The following SNCAIP variants were observed in gnomAD, a reference collection of about 807,000 sequenced individuals.
The protein encoded by SNCAIP is synphilin-1.
Under a neutral mutation model 86.7 loss-of-function variants are expected in SNCAIP, and 43 were observed. The observed-to-expected ratio is 0.50, with a 90% CI of 0.39 to 0.64. SNCAIP has a LOEUF of 0.64. Ranked by LOEUF, SNCAIP falls within the 30% of genes least tolerant of loss-of-function variation. SNCAIP has a pLI of 0.00. For synonymous variants in SNCAIP, 417 were observed against 427.2 expected, an observed-to-expected ratio of 0.98 and a Z score of 0.29; for missense variants, 981 against 1,103.1, an observed-to-expected ratio of 0.89 and a Z score of 1.57.
At chr5:122,345,822 G>A (rs1040325547) in intron 1 of SNCAIP, among the ~76,000 whole-genome samples, 2 of 138,202 alleles carry the variant, frequency 1.4e-5, no homozygotes, top group African/African-American at 6.1e-5. Context: ...CACCGTGCCT[G>A]ACATTTTTTT....
intron 1 of SNCAIP, among the ~76,000 whole-genome samples, chr5:122,377,938 A>G (rs947869785): frequency 6.6e-6 from 1 of 151,922 alleles, no homozygotes; most frequent in African/African-American, 2.4e-5. Context: ...CCAGTCTGTC[A>G]TTGTTGGACA....
At chr5:122,322,303 A>G (rs1285353003) in intron 1 of SNCAIP, among the ~76,000 whole-genome samples, 1 of 152,260 alleles carries the variant, frequency 6.6e-6, no homozygotes, top group Non-Finnish European at 1.5e-5. Flanking sequence ...TGTCACTTCA[A>G]ATAATTCATA....
intron 1 of SNCAIP, among the ~76,000 whole-genome samples, chr5:122,320,529 G>A (rs1393184159): frequency 6.6e-6 from 1 of 152,192 alleles, no homozygotes. Flanking sequence ...GAAAAAGGAA[G>A]TATCAAGAAT....
intron 5 of SNCAIP, among the ~76,000 whole-genome samples, chr5:122,431,334 G>A (rs894297636): frequency 6.6e-6 from 1 of 152,034 alleles, no homozygotes; most frequent in African/African-American, 2.4e-5. Context: ...TCCCCTAAGT[G>A]GAAACAATCC....
Position 122,451,532 on chromosome 5 carries a change from C to T in SNCAIP, c.2685C>T (p.Thr895=), listed in dbSNP as rs1387612218. 5.0e-6 allele frequency: 8 copies of T among 1,613,696 alleles called. No individual in the cohort carries two copies. Among genetic ancestry groups the T allele is most frequent in the African/African-American group, 1.3e-5 (1 of 74,926 alleles). The part of the protein sequence containing the change: ...NQLKTSTLPL[T]SLGRKTDAKG... Reference sequence around the variant, plus strand: ...TGAAAACCTCTACATTGCCCTTGACCTCACTTGGGAGGAAGACAGATGCCA... The same window carrying T: ...TGAAAACCTCTACATTGCCCTTGACTTCACTTGGGAGGAAGACAGATGCCA... The change falls in exon 10 of 11, where the codon ACC becomes ACT. Residue 895 remains threonine (T), a synonymous_variant. Transcript: ENST00000261368.
intron 1 of SNCAIP, among the ~76,000 whole-genome samples, chr5:122,385,675 G>A (rs1767980690): frequency 1.1e-5 from 1 of 88,910 alleles, no homozygotes; most frequent in South Asian, 4.3e-4. Flanking sequence ...GCGCACGTAT[G>A]TGTGTGTGTG....
rs537864556 is a variant in SNCAIP, at chr5:122,426,862, A to T, written c.1182+1331A>T. 6.2e-4 allele frequency among the ~76,000 whole-genome samples: 95 copies of T among 152,364 alleles called. No individual in the cohort carries two copies. The South Asian group carries it at 0.019, about 31-fold the overall frequency. On this transcript the variant is annotated intron_variant, in intron 5 of 10. Coordinates refer to ENST00000261368, the MANE Select transcript of SNCAIP (RefSeq NM_005460.4). The stretch of plus-strand genomic sequence containing the variant: ...GAGCTTAACAAAGTGTACCAAGTTT[A>T]CCAGGTACTGCGTTTGGTGGCTGGC...
chr5:122,461,939 G>A (rs1045499965), intron 10 of SNCAIP, among the ~76,000 whole-genome samples: 1 of 152,156 alleles, frequency 6.6e-6, no homozygotes, highest in Non-Finnish European at 1.5e-5. Flanking sequence ...AAAATGTTGG[G>A]ATTACAGGCA....
At chr5:122,366,334 G>C (rs1246887833) in intron 1 of SNCAIP, among the ~76,000 whole-genome samples, 3 of 152,206 alleles carry the variant, frequency 2.0e-5, no homozygotes, top group African/African-American at 7.2e-5. Flanking sequence ...CACTGCCTGT[G>C]GCAGGGTGAG....
At chr5:122,408,407 G>A (rs1049470732) in intron 3 of SNCAIP, among the ~76,000 whole-genome samples, 7 of 152,204 alleles carry the variant, frequency 4.6e-5, no homozygotes, top group Non-Finnish European at 5.9e-5. Context: ...TCATCCCTGC[G>A]GCTTTAGTGG....
At chr5:122,461,205 G>A (rs1214566940) in intron 10 of SNCAIP, among the ~76,000 whole-genome samples, 1 of 152,106 alleles carries the variant, frequency 6.6e-6, no homozygotes, top group African/African-American at 2.4e-5. Context: ...TGCTTCTAAT[G>A]TGTCTGTTGA....
At position 122,393,071 on chromosome 5, in the gene SNCAIP, G is replaced by A. The variant is rs371136370; in HGVS notation, c.57+1880G>A. On this transcript the variant is annotated intron_variant, in intron 2 of 10. Transcript: ENST00000261368. ...AACCGTTTAGCAAACTAGGCTACAG[G>A]ATTATGCAATAGTTGAGTGTCTATA... 2.0e-4 allele frequency among the ~76,000 whole-genome samples: 30 copies of A among 152,242 alleles called. 1 individual carries two copies. The East Asian group carries it at 2.1e-3, about 11-fold the overall frequency.
At chr5:122,357,437 T>C (rs1026178268) in intron 1 of SNCAIP, among the ~76,000 whole-genome samples, 2 of 152,010 alleles carry the variant, frequency 1.3e-5, no homozygotes, top group African/African-American at 4.8e-5. Flanking sequence ...GGTTTCACCA[T>C]GTTGGCCAGG....
At chr5:122,460,955 G>A (rs1786051916) in intron 10 of SNCAIP, among the ~76,000 whole-genome samples, 1 of 152,112 alleles carries the variant, frequency 6.6e-6, no homozygotes, top group South Asian at 2.1e-4. Context: ...AATTCCTTGT[G>A]CTTCTCTCCT....
In SNCAIP at chr5:122,425,537, T is replaced by G; in HGVS notation, c.1182+6T>G. ...CAGCAGGCCTGGCCATTAAGGTGACTGGTTGGGGGCTGGAACCTCCACAGC... is the reference window on the plus strand; with the variant it reads ...CAGCAGGCCTGGCCATTAAGGTGACGGGTTGGGGGCTGGAACCTCCACAGC... On this transcript the variant is annotated splice_donor_region_variant and intron_variant, in intron 5 of 10. Transcript: ENST00000261368. 1 of 1,612,858 alleles carries G rather than the reference T, an allele frequency of 6.2e-7. No individual in the cohort carries two copies. The highest frequency in any genetic ancestry group is 8.5e-7 in the Non-Finnish European group (1 of 1,178,906).
rs1210076698 is a variant in SNCAIP at position 122,422,585 on chromosome 5, TA to T, written c.131-280del. 2.6e-5 allele frequency among the ~76,000 whole-genome samples: 4 copies of T among 152,330 alleles called. No individual in the cohort carries two copies. The East Asian group carries it at 7.7e-4, about 29-fold the overall frequency. ...CAGGGAGGTAGATCTATCCAGGGAA[TA>T]AACCTAAATACCTATCTGGGTTTGC... On this transcript the variant is annotated intron_variant, in intron 3 of 10. Transcript: ENST00000261368.
At position 122,394,878 on chromosome 5, in the gene SNCAIP, C is replaced by T. The variant is rs142481974; in HGVS notation, c.57+3687C>T. 9.4e-3 allele frequency among the ~76,000 whole-genome samples: 1,428 copies of T among 152,212 alleles called. 19 individuals are homozygous for T. Among genetic ancestry groups the T allele is most frequent in the African/African-American group, 0.032 (1,335 of 41,536 alleles). On this transcript the variant is annotated intron_variant, in intron 2 of 10. Transcript: ENST00000261368. ...GTTCAAGCCTCATACATCAGCTTTG[C>T]GAGGCAAACTCTGTTTTTATTCCTT...
At chr5:122,407,235 G>T (rs1292130446) in intron 3 of SNCAIP, among the ~76,000 whole-genome samples, 1 of 152,156 alleles carries the variant, frequency 6.6e-6, no homozygotes, top group Non-Finnish European at 1.5e-5. Flanking sequence ...AGGTCTTAGG[G>T]CATCAGGGAA....
intron 1 of SNCAIP, among the ~76,000 whole-genome samples, chr5:122,324,011 T>C (rs927434786): frequency 2.6e-5 from 4 of 152,138 alleles, no homozygotes; most frequent in African/African-American, 4.8e-5. Context: ...CTGAATAAGA[T>C]GAAAGATTGC....
Sources: gnomAD v4.1 joint callset for allele counts (sites outside exome capture counted in the v4.1 genomes callset) on GRCh38, gnomAD v4.1.1 for gene constraint, MANE v1.5 for transcripts, NCBI Gene and HGNC (gene_info 2026-07-23, HGNC 2026-07-21) for gene names.